The following APLF variants were observed in gnomAD, a reference collection of about 807,000 sequenced individuals.
APLF encodes aprataxin and PNKP like factor, also known as aprataxin and PNK-like factor.
Under a neutral mutation model 55.6 loss-of-function variants are expected in APLF, and 61 were observed. The ratio of observed to expected loss-of-function variants is 1.10; its 90% confidence interval spans 0.89 to 1.36. APLF has a LOEUF of 1.36. APLF is among the 40% of genes most tolerant of loss of function. The probability of loss-of-function intolerance (pLI) is 0.00; values close to 1 mark genes in which losing one functional copy is unlikely to be tolerated. For missense variants in APLF, 611 were observed against 602.5 expected (o/e 1.01, Z -0.15); for synonymous variants, 207 against 214.8 (o/e 0.96, Z 0.32).
At chr2:68,561,238 T>G (rs901236760) in intron 8 of APLF, among the ~76,000 whole-genome samples, 2 of 152,140 alleles carry the variant, frequency 1.3e-5, no homozygotes, top group African/African-American at 4.8e-5. Flanking sequence ...AACAATCTTA[T>G]GTGAGGTAGA....
In APLF at chr2:68,578,040, C is replaced by A; in HGVS notation, c.*18C>A. ...GAAAATAGTAACTAACTTCTGTAGT[C>A]ATATCTGCCTTACATTTACTTTTTC... On this transcript the variant is annotated 3_prime_UTR_variant, in exon 10 of 10. Coordinates refer to ENST00000303795, the MANE Select transcript of APLF (RefSeq NM_173545.3). The A allele has an allele frequency of 1.2e-6, 2 of 1,605,626 alleles. No homozygotes were observed. Among genetic ancestry groups the A allele is most frequent in the Non-Finnish European group, 8.5e-7 (1 of 1,176,298 alleles).
At chr2:68,485,109 A>G (rs1359531243) in intron 1 of APLF, among the ~76,000 whole-genome samples, 1 of 152,078 alleles carries the variant, frequency 6.6e-6, no homozygotes, top group African/African-American at 2.4e-5. Context: ...TTCTGTTATT[A>G]TATTCTAGAA....
At position 68,544,546 on chromosome 2, in the gene APLF, G is replaced by T. The variant is rs958525188; in HGVS notation, c.1161-641G>T. 5.3e-5 allele frequency among the ~76,000 whole-genome samples: 8 copies of T among 151,988 alleles called. 1 individual carries two copies. Among genetic ancestry groups the T allele is most frequent in the African/African-American group, 1.5e-4 (6 of 41,366 alleles). ...ATGTTATTATGATAATATGTAAAGGGTTTATTATTGTTCTATTTAAGTCAA... is the reference window on the plus strand; with the variant it reads ...ATGTTATTATGATAATATGTAAAGGTTTTATTATTGTTCTATTTAAGTCAA... On this transcript the variant is annotated intron_variant, in intron 7 of 9. Coordinates refer to ENST00000303795, the MANE Select transcript of APLF (RefSeq NM_173545.3).
intron 2 of APLF, among the ~76,000 whole-genome samples, chr2:68,500,657 G>A (rs1360123177): frequency 3.9e-5 from 6 of 152,166 alleles, no homozygotes; most frequent in Non-Finnish European, 8.8e-5. Context: ...AGAAGCAAGC[G>A]TCACTTAAAG....
At chr2:68,487,723 A>G (rs997485772) in intron 1 of APLF, among the ~76,000 whole-genome samples, 6 of 152,154 alleles carry the variant, frequency 3.9e-5, no homozygotes, top group Admixed American at 3.9e-4. Context: ...CCGTATATCA[A>G]TCGTGACATT....
intron 1 of APLF, among the ~76,000 whole-genome samples, chr2:68,470,483 T>C (rs1312019120): frequency 6.6e-6 from 1 of 152,182 alleles, no homozygotes; most frequent in African/African-American, 2.4e-5. Flanking sequence ...GGATAAATGG[T>C]ACAAGAGATA....
rs570987188 is a variant in APLF, at chr2:68,526,407, T to C, written c.804+165T>C. 2.6e-5 allele frequency among the ~76,000 whole-genome samples: 4 copies of C among 152,302 alleles called. No individual in the cohort carries two copies. In the East Asian group the frequency reaches 5.8e-4, roughly 22 times the overall value. The stretch of plus-strand genomic sequence containing the variant: ...GACTTACTGAAACTAATCTTTAATA[T>C]AGTATTTGTTGAAAAGTTAGAAATT... On this transcript the variant is annotated intron_variant, in intron 6 of 9. Coordinates refer to ENST00000303795, the MANE Select transcript of APLF (RefSeq NM_173545.3).
At chr2:68,493,166 G>C (rs796601321) in intron 2 of APLF, among the ~76,000 whole-genome samples, 4 of 152,270 alleles carry the variant, frequency 2.6e-5, no homozygotes, top group African/African-American at 9.6e-5. Context: ...GTCTTAACAA[G>C]AAGTTTTAGT....
intron 1 of APLF, 93 bp from the exon 2 acceptor site, chr2:68,490,097 C>A: frequency 1.3e-6 from 1 of 765,994 alleles, no homozygotes; most frequent in Admixed American, 3.3e-5. Context: ...CTACTGATTT[C>A]AGAAACATCG....
At chr2:68,523,368 C>T (rs1669946531) in intron 5 of APLF, among the ~76,000 whole-genome samples, 1 of 151,856 alleles carries the variant, frequency 6.6e-6, no homozygotes, top group African/African-American at 2.4e-5. Flanking sequence ...TATAGCCTTT[C>T]AAAGTCACTT....
At chr2:68,537,796 A>C (rs1670437006) in intron 6 of APLF, 76 bp from the exon 7 acceptor site, 1 of 1,047,770 alleles carries the variant, frequency 9.5e-7, no homozygotes, top group African/African-American at 1.6e-5. Context: ...TGGATCTTGT[A>C]GTTTTGTGCT....
chr2:68,526,458 C>T (rs748917939), intron 6 of APLF, among the ~76,000 whole-genome samples: 11 of 152,094 alleles, frequency 7.2e-5, no homozygotes, highest in Admixed American at 1.3e-4. Flanking sequence ...CTATGGCGAC[C>T]GCCACGGAGC....
At chr2:68,539,155 T>G (rs998765198) in intron 7 of APLF, among the ~76,000 whole-genome samples, 1 of 152,226 alleles carries the variant, frequency 6.6e-6, no homozygotes, top group Admixed American at 6.5e-5. Context: ...TTTTGAAACA[T>G]TTTTGTATAT....
chr2:68,509,501 G>A (rs13408849), intron 3 of APLF, among the ~76,000 whole-genome samples: 18,264 of 151,968 alleles, frequency 0.12, 1,202 homozygotes, highest in Middle Eastern at 0.16. Context: ...AGAAATGCAA[G>A]TCAAAACCAC....
At chr2:68,501,079 G>C (rs1676705657) in intron 2 of APLF, among the ~76,000 whole-genome samples, 1 of 152,090 alleles carries the variant, frequency 6.6e-6, no homozygotes, top group Non-Finnish European at 1.5e-5. Context: ...TGTATAGTTT[G>C]ACTAATAAAA....
chr2:68,537,058 G>A (rs552915555), intron 6 of APLF, among the ~76,000 whole-genome samples: 6 of 151,820 alleles, frequency 4.0e-5, no homozygotes, highest in South Asian at 4.2e-4. Flanking sequence ...CCAGCTACTC[G>A]GGAGCCTGAG....
intron 2 of APLF, among the ~76,000 whole-genome samples, chr2:68,494,012 A>G (rs1166526102): frequency 6.6e-6 from 1 of 150,870 alleles, no homozygotes; most frequent in Admixed American, 6.6e-5. Flanking sequence ...GGAGGCTGAG[A>G]CGGGAGAATG....
intron 6 of APLF, among the ~76,000 whole-genome samples, chr2:68,526,897 G>A (rs765613177): frequency 1.1e-4 from 16 of 152,104 alleles, no homozygotes; most frequent in Non-Finnish European, 1.9e-4. Flanking sequence ...CATGTTGGCC[G>A]GAACGATCTC....
chr2:68,528,563 G>A lies in APLF; in HGVS notation c.804+2321G>A, dbSNP rs1010767250. On this transcript the variant is annotated intron_variant, in intron 6 of 9. Coordinates refer to ENST00000303795, the MANE Select transcript of APLF (RefSeq NM_173545.3). ...TGATCCAAGAGCTGCAGGATCCTTG[G>A]GCTGCATGTCCTCCCCCACCGTCAG... The A allele has an allele frequency of 5.8e-5, 89 of 1,533,830 alleles. No individual in the cohort carries two copies. The African/African-American group carries it at 1.2e-3, about 20-fold the overall frequency.
Sources: allele counts gnomAD v4.1 joint callset (sites outside exome capture counted in the v4.1 genomes callset), GRCh38; gene constraint gnomAD v4.1.1; transcripts MANE v1.5; gene names NCBI Gene and HGNC (gene_info 2026-07-23, HGNC 2026-07-21).